The following VPS13C variants were observed in gnomAD, a reference collection of about 807,000 sequenced individuals.
VPS13C encodes the protein intermembrane lipid transfer protein VPS13C.
Under a neutral mutation model 456.8 loss-of-function variants are expected in VPS13C, and 358 were observed. The observed-to-expected ratio is 0.78, with a 90% CI of 0.72 to 0.86. VPS13C has a LOEUF of 0.86. Among genes scored for constraint, VPS13C ranks in the 40% least tolerant of loss-of-function variants. VPS13C has a pLI of 0.00. For synonymous variants in VPS13C, 1,578 were observed against 1,486.7 expected, an observed-to-expected ratio of 1.06 and a Z score of -1.41; for missense variants, 4,818 against 4,385.4, an observed-to-expected ratio of 1.10 and a Z score of -2.79.
intron 13 of VPS13C, among the ~76,000 whole-genome samples, chr15:62,009,484 A>G (rs1223051977): frequency 6.6e-6 from 1 of 152,190 alleles, no homozygotes; most frequent in African/African-American, 2.4e-5. Context: ...GTCTGAACTT[A>G]AATGTATTTT....
intron 18 of VPS13C, among the ~76,000 whole-genome samples, chr15:61,986,040 C>G (rs1324838807): frequency 2.0e-5 from 3 of 151,690 alleles, no homozygotes; most frequent in Non-Finnish European, 4.4e-5. Flanking sequence ...AGCATCAAAT[C>G]ATCTCAATAC....
chr15:61,901,149 T>C (rs2042983840), intron 66 of VPS13C, among the ~76,000 whole-genome samples: 1 of 151,060 alleles, frequency 6.6e-6, no homozygotes, highest in Non-Finnish European at 1.5e-5. Context: ...CCTAAAACCA[T>C]AAAAACCCTA....
intron 18 of VPS13C, among the ~76,000 whole-genome samples, chr15:61,988,482 A>T (rs1042505745): frequency 6.6e-6 from 1 of 152,224 alleles, no homozygotes; most frequent in African/African-American, 2.4e-5. Flanking sequence ...TGCTATATTT[A>T]TAGGTGAAAA....
At chr15:61,979,099 C>A (rs2045797245) in intron 22 of VPS13C, among the ~76,000 whole-genome samples, 1 of 152,110 alleles carries the variant, frequency 6.6e-6, no homozygotes, top group South Asian at 2.1e-4. Context: ...CACCCTTCAC[C>A]ATTAGATAGC....
chr15:62,020,621 A>G, intron 8 of VPS13C, 83 bp from the exon 9 acceptor site: 1 of 1,394,532 alleles, frequency 7.2e-7, no homozygotes, highest in African/African-American at 1.4e-5. Context: ...GCAGAGGGAA[A>G]TGTGTTTACA....
chr15:61,970,866 A>G (rs1160706249), intron 27 of VPS13C, among the ~76,000 whole-genome samples: 1 of 149,768 alleles, frequency 6.7e-6, no homozygotes, highest in Non-Finnish European at 1.5e-5. Flanking sequence ...GTTTAAAAAA[A>G]AAAAAAAAAA....
chr15:61,865,620 G>A, intron 81 of VPS13C: 3 of 447,156 alleles, frequency 6.7e-6, no homozygotes, highest in South Asian at 9.6e-5. Flanking sequence ...ATATATGTAT[G>A]TGTACATATG....
chr15:61,875,115 T>C (rs903473540), intron 76 of VPS13C, among the ~76,000 whole-genome samples, 164 bp from the exon 77 acceptor site: 18 of 152,094 alleles, frequency 1.2e-4, no homozygotes, highest in African/African-American at 4.3e-4. Flanking sequence ...AGAATATCTA[T>C]TGTGTTTGAA....
At chr15:61,969,861 T>C (rs533261095) in intron 27 of VPS13C, among the ~76,000 whole-genome samples, 2 of 152,268 alleles carry the variant, frequency 1.3e-5, no homozygotes, top group South Asian at 2.1e-4. Flanking sequence ...CTGGAAATTA[T>C]AGCCTGTATA....
At chr15:62,035,580 GAGAAGAGATGCAA>G (rs2047966546) in intron 3 of VPS13C, among the ~76,000 whole-genome samples, 1 of 151,944 alleles carries the variant, frequency 6.6e-6, no homozygotes, top group Non-Finnish European at 1.5e-5. Flanking sequence ...CAGCAACACA[GAGAAGAGATGCAA>G]AGGAACTTTG....
chr15:61,917,304 G>C (rs1213437409), intron 60 of VPS13C, 37 bp downstream of exon 60: 16 of 1,593,676 alleles, frequency 1.0e-5, no homozygotes, highest in Non-Finnish European at 1.1e-5. Context: ...TTTACTCTGT[G>C]CAACAACAAA....
Position 61,946,361 on chromosome 15 carries a change from G to A in VPS13C, c.4926C>T (p.Ala1642=), listed in dbSNP as rs2140274953. The A allele has an allele frequency of 1.9e-6, 3 of 1,608,286 alleles. No individual in the cohort carries two copies. The highest frequency in any genetic ancestry group is 1.7e-6 in the Non-Finnish European group (2 of 1,177,422). ...SVKPKQTDVF[A]RLKDIIVMNV... is the part of the protein sequence containing the mutation. ...TCATAACTATAATATCTTTAAGTCTGGCAAACACATCAGTCTGCTTAGGCT... is the reference window on the plus strand; with the variant it reads ...TCATAACTATAATATCTTTAAGTCTAGCAAACACATCAGTCTGCTTAGGCT... Residue 1642 remains alanine, a synonymous_variant, in exon 44 of 85, where the codon GCC becomes GCT. Coordinates refer to ENST00000644861, the MANE Select transcript of VPS13C (RefSeq NM_020821.3).
intron 53 of VPS13C, among the ~76,000 whole-genome samples, chr15:61,924,902 G>A (rs957882171): frequency 6.6e-6 from 1 of 152,108 alleles, no homozygotes; most frequent in African/African-American, 2.4e-5. Context: ...TCGTGACTGG[G>A]CACGAGGTAT....
Position 61,916,017 on chromosome 15 carries a change from T to C in VPS13C, c.8061A>G (p.Thr2687=), listed in dbSNP as rs144395823. The C allele has an allele frequency of 5.1e-6, 8 of 1,557,236 alleles. No individual in the cohort carries two copies. The South Asian group carries it at 7.1e-5, about 14-fold the overall frequency. ...PYSLRYLLEG[T]AETHELAEGS... The stretch of plus-strand genomic sequence containing the variant: ...CTTCTGCCAGCTCATGAGTTTCTGC[T>C]GTTCCCTAAAAACAAACAAAAATTC... Residue 2687 remains threonine, a synonymous_variant, in exon 61 of 85, where the codon ACA becomes ACG. Coordinates refer to ENST00000644861, the MANE Select transcript of VPS13C (RefSeq NM_020821.3).
intron 15 of VPS13C, among the ~76,000 whole-genome samples, chr15:62,006,325 A>G (rs1188804136): frequency 3.3e-5 from 5 of 151,928 alleles, no homozygotes; most frequent in African/African-American, 4.8e-5. Context: ...TCATTGTTCA[A>G]TTCCCACCTA....
chr15:61,890,422 TTAAACCCACACATAGTAACTTG>T (rs765624249), intron 66 of VPS13C, 22 bp from the exon 67 acceptor site: 1 of 1,597,434 alleles, frequency 6.3e-7, no homozygotes, highest in South Asian at 1.1e-5. Context: ...AAAGACTTCA[TTAAACCCACACATAGTAACTTG>T]TTATTATATA....
intron 51 of VPS13C, 49 bp downstream of exon 51, chr15:61,929,449 ATTC>A (rs2043979321): frequency 6.4e-7 from 1 of 1,551,532 alleles, no homozygotes. Context: ...CTGGTTTGTA[ATTC>A]TTGTCAAAAT....
rs778830621 is a variant in VPS13C at position 61,936,708 on chromosome 15, A to C, written c.5644T>G (p.Leu1882Val). 3 of 1,613,566 alleles carry C rather than the reference A, an allele frequency of 1.9e-6. No individual in the cohort carries two copies. The highest frequency in any genetic ancestry group is 1.7e-5 in the Admixed American group (1 of 59,960). The change falls in exon 48 of 85, where the codon TTG becomes GTG. Residue 1882 changes from leucine to valine, a missense_variant. By Grantham distance (32) the Leu-to-Val change is conservative (BLOSUM62 1). Transcript: ENST00000644861. ...EDDLTVLMKILLENLGEASSQ... is the reference protein window; with the variant it reads ...EDDLTVLMKIVLENLGEASSQ... ...GAAGCTTCTCCAAGATTTTCTAGCA[A>C]AATTTTCATTAAAACTGTCAAGTCA...
chr15:61,881,633 C>G lies in VPS13C; in HGVS notation c.9707-1G>C. 1 of 1,612,248 alleles carries G rather than the reference C, an allele frequency of 6.2e-7. No individual in the cohort carries two copies. Among genetic ancestry groups the G allele is most frequent in the Non-Finnish European group, 8.5e-7 (1 of 1,179,178 alleles). On this transcript the variant is annotated splice_acceptor_variant, in intron 70 of 84. Coordinates refer to ENST00000644861, the MANE Select transcript of VPS13C (RefSeq NM_020821.3). LOFTEE classifies it high-confidence loss of function. ...CTCACATCAATGAAAGGCTTGGGCT[C>G]TAAGAGGAAGAAGTAACACATAAAA...
Sources: gnomAD v4.1 joint callset for allele counts (sites outside exome capture counted in the v4.1 genomes callset) on GRCh38, gnomAD v4.1.1 for gene constraint, MANE v1.5 for transcripts, NCBI Gene and HGNC (gene_info 2026-07-23, HGNC 2026-07-21) for gene names.